Variants in TMEM45A observed in about 807,000 individuals in gnomAD.
TMEM45A encodes the protein DNA polymerase-transactivated protein 4.
TMEM45A carries 25 observed loss-of-function variants against 32.0 expected under a neutral mutation model. That is an observed-to-expected ratio of 0.78 (90% CI 0.57 to 1.09). TMEM45A has a LOEUF of 1.09. Ranked by LOEUF, TMEM45A falls within the 50% of genes least tolerant of loss-of-function variation. The pLI is 0.00. For missense variants in TMEM45A, 302 were observed against 325.0 expected (o/e 0.93, Z 0.54); for synonymous variants, 122 against 114.8 (o/e 1.06, Z -0.40).
intron 1 of TMEM45A, among the ~76,000 whole-genome samples, chr3:100,507,234 G>T (rs1180743509): frequency 1.3e-5 from 2 of 152,196 alleles, no homozygotes; most frequent in African/African-American, 4.8e-5. Flanking sequence ...ACACTTGACT[G>T]CCAGAACAAA....
chr3:100,576,872 TG>T, intron 5 of TMEM45A, 52 bp from the exon 6 acceptor site: 1 of 1,375,422 alleles, frequency 7.3e-7, no homozygotes, highest in Non-Finnish European at 1.0e-6. Context: ...CATATTGCTC[TG>T]GGTTTCTATT....
intron 1 of TMEM45A, among the ~76,000 whole-genome samples, chr3:100,495,119 A>C (rs1707904458): frequency 1.3e-5 from 2 of 152,196 alleles, no homozygotes; most frequent in South Asian, 4.1e-4. Flanking sequence ...ACTGGTATTA[A>C]CTGAGTGCTG....
At chr3:100,523,381 A>G (rs1705472513) in intron 1 of TMEM45A, among the ~76,000 whole-genome samples, 1 of 152,148 alleles carries the variant, frequency 6.6e-6, no homozygotes, top group Non-Finnish European at 1.5e-5. Flanking sequence ...CCATTCATTC[A>G]TTTATTTACT....
intron 1 of TMEM45A, among the ~76,000 whole-genome samples, chr3:100,515,221 A>G (rs1708239769): frequency 6.6e-6 from 1 of 152,260 alleles, no homozygotes; most frequent in South Asian, 2.1e-4. Flanking sequence ...AAGACTTGGA[A>G]CCAACCCAAA....
At chr3:100,553,176 A>G (rs1706142689) in intron 1 of TMEM45A, among the ~76,000 whole-genome samples, 1 of 152,240 alleles carries the variant, frequency 6.6e-6, no homozygotes, top group African/African-American at 2.4e-5. Context: ...CCCATTTTAC[A>G]GAAGAGAAAA....
chr3:100,550,515 G>T lies in TMEM45A; in HGVS notation c.-3-4694G>T, dbSNP rs144146590. Among the ~76,000 whole-genome samples, 42 of 152,340 alleles carry T rather than the reference G, an allele frequency of 2.8e-4. No homozygotes were observed. In the East Asian group the frequency reaches 8.1e-3, roughly 29 times the overall value. On this transcript the variant is annotated intron_variant, in intron 1 of 5. Coordinates refer to ENST00000323523, the MANE Select transcript of TMEM45A (RefSeq NM_018004.3). Reference sequence around the variant, plus strand: ...GAAGACTTAGGAATACTTCATTTTGGTGGTGGCGCAAGATGAAATTTTAAG... The same window carrying T: ...GAAGACTTAGGAATACTTCATTTTGTTGGTGGCGCAAGATGAAATTTTAAG...
At chr3:100,561,006 T>C (rs1706320946) in intron 4 of TMEM45A, among the ~76,000 whole-genome samples, 1 of 152,206 alleles carries the variant, frequency 6.6e-6, no homozygotes, top group South Asian at 2.1e-4. Flanking sequence ...ATTTTTCATC[T>C]ACCAATATGT....
chr3:100,499,717 A>G (rs1290444267), intron 1 of TMEM45A, among the ~76,000 whole-genome samples: 5 of 152,150 alleles, frequency 3.3e-5, no homozygotes, highest in Non-Finnish European at 7.4e-5. Context: ...TCTCTAGTAA[A>G]AACACAAAAA....
chr3:100,568,845 C>A lies in TMEM45A; in HGVS notation c.612C>A (p.Pro204=), dbSNP rs1277641752. ...AGATTGGATTTGTCCTGTATCCCCCCAGTGGAGGTCCTGCATGGGATCTGA... is the reference window on the plus strand; with the variant it reads ...AGATTGGATTTGTCCTGTATCCCCCAAGTGGAGGTCCTGCATGGGATCTGA... ...FFQIGFVLYP[P]SGGPAWDLMD... The change falls in exon 5 of 6, where the codon CCC becomes CCA. Residue 204 remains proline (P), a synonymous_variant. Coordinates refer to ENST00000323523, the MANE Select transcript of TMEM45A (RefSeq NM_018004.3). 1 of 1,613,130 alleles carries A rather than the reference C, an allele frequency of 6.2e-7. No individual in the cohort carries two copies. The highest frequency in any genetic ancestry group is 1.7e-5 in the Admixed American group (1 of 60,002).
chr3:100,524,334 T>C (rs1238173247), intron 1 of TMEM45A, among the ~76,000 whole-genome samples: 1 of 152,250 alleles, frequency 6.6e-6, no homozygotes, highest in South Asian at 2.1e-4. Context: ...GTTGATATGA[T>C]AATTAAATGA....
rs1215316586 is a variant in TMEM45A at position 100,492,711 on chromosome 3, AT to A, written c.-219del. On this transcript the variant is annotated 5_prime_UTR_variant, in exon 1 of 6. Transcript: ENST00000323523. ...CTCTCCTTCTCGCCACTTATTATTT[AT>A]TCGTTTTCCCAAAGAAGCGACTAGG... The A allele has an allele frequency of 1.3e-5, 2 of 151,872 alleles. No individual in the cohort carries two copies. Among genetic ancestry groups the A allele is most frequent in the African/African-American group, 4.8e-5 (2 of 41,256 alleles). The allele number at this position is 151,872 out of a possible 1,614,324, so 9.4% of individuals were successfully genotyped here.
intron 1 of TMEM45A, among the ~76,000 whole-genome samples, chr3:100,539,478 T>TGTATATGTATAC (rs1559644561): frequency 1.4e-4 from 18 of 127,034 alleles, no homozygotes; most frequent in South Asian, 5.2e-4. Flanking sequence ...TATATGTATA[T>TGTATATGTATAC]GTATATGTAT....
In TMEM45A at chr3:100,556,979, G is replaced by A; in HGVS notation, c.403+7G>A. ...AATGCCTTATTTGTGGAGGGTAAGT[G>A]TTAGTGAGTATTTTCATGTACCTTT... is the stretch of plus-strand genomic sequence containing the variant. On this transcript the variant is annotated splice_region_variant and intron_variant, in intron 3 of 5. Transcript: ENST00000323523. 6.2e-7 allele frequency: 1 copy of A among 1,613,728 alleles called. No homozygotes were observed.
chr3:100,553,827 C>T (rs189078606), intron 1 of TMEM45A, among the ~76,000 whole-genome samples: 7 of 152,244 alleles, frequency 4.6e-5, no homozygotes, highest in South Asian at 2.1e-4. Context: ...ATGGTTTGGA[C>T]GATTCAATGG....
At chr3:100,502,594 G>A (rs1465115376) in intron 1 of TMEM45A, among the ~76,000 whole-genome samples, 1 of 152,010 alleles carries the variant, frequency 6.6e-6, no homozygotes, top group East Asian at 1.9e-4. Flanking sequence ...AACCTCTCAT[G>A]TAACTGGGAT....
rs75420619 is a variant in TMEM45A, at chr3:100,565,399, C to T, written c.589-3423C>T. On this transcript the variant is annotated intron_variant, in intron 4 of 5. Coordinates refer to ENST00000323523, the MANE Select transcript of TMEM45A (RefSeq NM_018004.3). Reference sequence around the variant, plus strand: ...AGGCACAAATCTTAGTTTTCCCCGACTTACTCTAATTATTTGAAATTTCAA... The same window carrying T: ...AGGCACAAATCTTAGTTTTCCCCGATTTACTCTAATTATTTGAAATTTCAA... Among the ~76,000 whole-genome samples, 506 of 152,226 alleles carry T rather than the reference C, an allele frequency of 3.3e-3. 3 individuals carry two copies. The highest frequency in any genetic ancestry group is 0.012 in the African/African-American group (495 of 41,534).
intron 1 of TMEM45A, among the ~76,000 whole-genome samples, chr3:100,552,858 G>T (rs975170943): frequency 6.6e-6 from 1 of 152,190 alleles, no homozygotes; most frequent in Non-Finnish European, 1.5e-5. Flanking sequence ...CTGCTTTCAA[G>T]GAGTTTATTC....
At chr3:100,572,610 T>A (rs1213180750) in intron 5 of TMEM45A, 2 of 152,052 alleles carry the variant, frequency 1.3e-5, no homozygotes, top group African/African-American at 4.8e-5. Context: ...TTTAATTAGA[T>A]CCCATTTGTC....
At chr3:100,562,007 C>A (rs995773942) in intron 4 of TMEM45A, among the ~76,000 whole-genome samples, 4 of 152,166 alleles carry the variant, frequency 2.6e-5, no homozygotes, top group African/African-American at 9.7e-5. Flanking sequence ...TTTGCTTAGG[C>A]TTTTAGTGTT....
Sources: gnomAD v4.1 joint callset for allele counts (sites outside exome capture counted in the v4.1 genomes callset) on GRCh38, gnomAD v4.1.1 for gene constraint, MANE v1.5 for transcripts, NCBI Gene and HGNC (gene_info 2026-07-23, HGNC 2026-07-21) for gene names.